The following POLE variants were observed in gnomAD, a reference collection of about 807,000 sequenced individuals.
POLE encodes DNA polymerase epsilon catalytic subunit A.
Under a neutral mutation model 279.2 loss-of-function variants are expected in POLE, and 188 were observed. That is an observed-to-expected ratio of 0.67 (90% CI 0.60 to 0.76). The LOEUF is 0.76. Ranked by LOEUF, POLE falls within the 30% of genes least tolerant of loss-of-function variation. The pLI is 0.00. For missense variants in POLE, 2,703 were observed against 3,016.7 expected (o/e 0.90, Z 2.44); for synonymous variants, 1,214 against 1,172.5 (o/e 1.04, Z -0.72).
intron 29 of POLE, among the ~76,000 whole-genome samples, chr12:132,651,566 C>T (rs1033111613): frequency 2.0e-5 from 3 of 152,264 alleles, no homozygotes; most frequent in African/African-American, 4.8e-5. Context: ...GCAGGCAGCT[C>T]CCAAAATGGC....
chr12:132,686,816 G>GC (rs985866846), intron 1 of POLE, among the ~76,000 whole-genome samples: 17 of 151,932 alleles, frequency 1.1e-4, no homozygotes, highest in African/African-American at 4.1e-4. Flanking sequence ...CCAGCGATCC[G>GC]CCCGCCTCGG....
rs766130096 is a variant in POLE at position 132,639,148 on chromosome 12, G to A, written c.5529C>T (p.Asn1843=). ...ACTGCAGGAAGAGCTTCTTCATCATGTTGTGGAGTGTGCGGTGCAGGGCAG... is the reference window on the plus strand; with the variant it reads ...ACTGCAGGAAGAGCTTCTTCATCATATTGTGGAGTGTGCGGTGCAGGGCAG... ...HDPALHRTLH[N]MMKKLFLQLI... The change falls in exon 40 of 49, where the codon AAC becomes AAT. Residue 1843 remains asparagine, a synonymous_variant. Coordinates refer to ENST00000320574, the MANE Select transcript of POLE (RefSeq NM_006231.4). This position sits in a 1 kb window ranked among gnomAD's most constrained non-coding sequence, Gnocchi z 4.7. 60 of 1,614,050 alleles carry A rather than the reference G, an allele frequency of 3.7e-5. 1 individual carries two copies. In the South Asian group the frequency reaches 6.1e-4, roughly 17 times the overall value.
chr12:132,673,327 G>A (rs1354512219), intron 13 of POLE, 50 bp from the exon 14 acceptor site: 2 of 1,339,808 alleles, frequency 1.5e-6, no homozygotes, highest in African/African-American at 2.9e-5. Context: ...AAGAGCCCAG[G>A]GTCAAGTGTG....
intron 46 of POLE, 160 bp downstream of exon 46, chr12:132,625,957 G>A (rs1219916089): frequency 2.0e-5 from 22 of 1,084,106 alleles, no homozygotes; most frequent in Middle Eastern, 3.0e-4. Context: ...TTCCGAACAT[G>A]GTGTGGGGAG....
Position 132,682,071 on chromosome 12 carries a change from G to A in POLE, c.63-792C>T, listed in dbSNP as rs535700238. Among the ~76,000 whole-genome samples, 20 of 152,176 alleles carry A rather than the reference G, an allele frequency of 1.3e-4. No individual in the cohort carries two copies. The East Asian group carries it at 3.5e-3, about 26-fold the overall frequency. On this transcript the variant is annotated intron_variant, in intron 1 of 48. Coordinates refer to ENST00000320574, the MANE Select transcript of POLE (RefSeq NM_006231.4). ...AGCACCGTGGGAGGCCGAGGCGGGCGGATCACGAGGTGAGGAGATCTAGAC... is the reference window on the plus strand; with the variant it reads ...AGCACCGTGGGAGGCCGAGGCGGGCAGATCACGAGGTGAGGAGATCTAGAC...
rs769766403 is a variant in POLE at position 132,626,325 on chromosome 12, G to A, written c.6331-8C>T. On this transcript the variant is annotated splice_polypyrimidine_tract_variant and splice_region_variant and intron_variant, in intron 45 of 48. Transcript: ENST00000320574. ...GGTGTCCAGGGACAGCACCTGCAGA[G>A]ACCACAGCCCACATCGGGAAGGAGC... The A allele has an allele frequency of 5.6e-5, 90 of 1,613,200 alleles. No individual in the cohort carries two copies. In the Admixed American group the frequency reaches 6.8e-4, roughly 12 times the overall value.
In POLE at chr12:132,675,620, T is replaced by C. The variant is rs918238779; in HGVS notation, c.1107-103A>G. 19 of 1,588,012 alleles carry C rather than the reference T, an allele frequency of 1.2e-5. No individual in the cohort carries two copies. Among genetic ancestry groups the C allele is most frequent in the Middle Eastern group, 1.7e-4 (1 of 5,786 alleles). On this transcript the variant is annotated intron_variant, in intron 11 of 48. Coordinates refer to ENST00000320574, the MANE Select transcript of POLE (RefSeq NM_006231.4). This position sits in a 1 kb window ranked among gnomAD's most constrained non-coding sequence, Gnocchi z 4.3. ...CAGGGAGGAACCCAGACACGGGAGG[T>C]GCAGAGTGAACCCAGGAGCCACCTC...
chr12:132,628,891 C>T (rs558611832), intron 45 of POLE, among the ~76,000 whole-genome samples: 2 of 152,304 alleles, frequency 1.3e-5, no homozygotes, highest in South Asian at 4.1e-4. Context: ...ACTTCTTCCA[C>T]ACTCCTGTTA....
rs1341320095 is a variant in POLE at position 132,664,900 on chromosome 12, C to T, written c.2468+402G>A. 6.6e-6 allele frequency among the ~76,000 whole-genome samples: 1 copy of T among 152,000 alleles called. No individual in the cohort carries two copies. Among genetic ancestry groups the T allele is most frequent in the Non-Finnish European group, 1.5e-5 (1 of 67,976 alleles). On this transcript the variant is annotated intron_variant, in intron 21 of 48. Transcript: ENST00000320574. This position sits in a 1 kb window ranked among gnomAD's most constrained non-coding sequence, Gnocchi z 5.3. ...TGTCAGCTGTCCCACCCTCCCCTCCCGGCACCAGCCCCATGCCCCTTGTCA... is the reference window on the plus strand; with the variant it reads ...TGTCAGCTGTCCCACCCTCCCCTCCTGGCACCAGCCCCATGCCCCTTGTCA...
At chr12:132,684,248 G>A (rs1482489498) in intron 1 of POLE, among the ~76,000 whole-genome samples, 8 of 10,530 alleles carry the variant, frequency 7.6e-4, no homozygotes, top group African/African-American at 5.5e-4. Flanking sequence ...ACTGGTTACT[G>A]TATCACACCG....
chr12:132,647,695 A>G (rs2042317439), intron 32 of POLE, among the ~76,000 whole-genome samples: 1 of 152,138 alleles, frequency 6.6e-6, no homozygotes, highest in Non-Finnish European at 1.5e-5. Flanking sequence ...ATGAGCTGAT[A>G]GTCATAAAGG....
chr12:132,676,856 G>A (rs1034809318), intron 8 of POLE, among the ~76,000 whole-genome samples: 1 of 152,160 alleles, frequency 6.6e-6, no homozygotes. Context: ...ATACCTAAGA[G>A]AGCAGCTGAT....
chr12:132,634,301 C>T lies in POLE; in HGVS notation c.5889G>A (p.Glu1963=), dbSNP rs1555221209. ...CGTTGGATTCCTCCGCCTCTTCCTC[C>T]TCCTCCCCATCTCTTTCCTCCTCAT... The part of the protein sequence containing the change: ...EDDEEERDGE[E]EEEAEESNVE... Residue 1963 remains glutamate (E), a synonymous_variant, in exon 43 of 49, where the codon GAG becomes GAA. Coordinates refer to ENST00000320574, the MANE Select transcript of POLE (RefSeq NM_006231.4). This position sits in a 1 kb window ranked among gnomAD's most constrained non-coding sequence, Gnocchi z 4.0. 1.2e-6 allele frequency: 2 copies of T among 1,614,194 alleles called. No homozygotes were observed. The highest frequency in any genetic ancestry group is 1.7e-6 in the Non-Finnish European group (2 of 1,180,008).
intron 29 of POLE, chr12:132,650,753 T>C (rs2138620321): frequency 6.6e-6 from 1 of 152,276 alleles, no homozygotes; most frequent in Non-Finnish European, 1.5e-5. Context: ...GGTACAGCCC[T>C]CTTCTGTCTG....
rs751756901 is a variant in POLE at position 132,659,387 on chromosome 12, G to A, written c.3183C>T (p.Ala1061=). 3.9e-5 allele frequency: 63 copies of A among 1,614,088 alleles called. No homozygotes were observed. The highest frequency in any genetic ancestry group is 5.0e-5 in the Admixed American group (3 of 60,012). Residue 1061 remains alanine, a synonymous_variant, in exon 26 of 49, where the codon GCC becomes GCT. Coordinates refer to ENST00000320574, the MANE Select transcript of POLE (RefSeq NM_006231.4). ...TGACCATCTGGTCTCCCAGGAACTC[G>A]GCCAGGCGCTTTGCTGTGCTGATGG... ...STSISTAKRL[A]EFLGDQMVKD...
chr12:132,641,255 C>T, intron 39 of POLE: 1 of 371,986 alleles, frequency 2.7e-6, no homozygotes, highest in Non-Finnish European at 5.3e-6. Context: ...TGGCTCCTGA[C>T]CCTCAACCAC....
rs551697046 is a variant in POLE at position 132,643,989 on chromosome 12, A to G, written c.4150-12T>C. ...AGGACCCGATTTACCTGGCGAGAAT[A>G]CGACGATGATCTCGTCACTGGGCGT... On this transcript the variant is annotated splice_polypyrimidine_tract_variant and intron_variant, in intron 32 of 48. Coordinates refer to ENST00000320574, the MANE Select transcript of POLE (RefSeq NM_006231.4). The G allele has an allele frequency of 1.2e-4, 196 of 1,610,694 alleles. 1 individual carries two copies. The South Asian group carries it at 2.0e-3, about 17-fold the overall frequency.
rs777366166 is a variant in POLE at position 132,664,176 on chromosome 12, T to C, written c.2562-28A>G. 6.2e-7 allele frequency: 1 copy of C among 1,612,060 alleles called. No homozygotes were observed. The highest frequency in any genetic ancestry group is 1.1e-5 in the South Asian group (1 of 91,050). ...TCAGAGAAAGAGAGGAGCAAGGTCG[T>C]GAGTTCCCCTTTCCTTTTCACCCAG... is the stretch of plus-strand genomic sequence containing the variant. On this transcript the variant is annotated intron_variant, in intron 22 of 48. Transcript: ENST00000320574. The surrounding 1 kb of genome is among the most constrained non-coding windows in gnomAD (Gnocchi z 5.3).
At chr12:132,625,172 C>T (rs1278903149) in intron 47 of POLE, 178 bp from the exon 48 acceptor site, 6 of 680,038 alleles carry the variant, frequency 8.8e-6, no homozygotes, top group African/African-American at 3.5e-5. Context: ...ACGGTGCCAG[C>T]GCCTTCCCTA....
Sources: allele counts gnomAD v4.1 joint callset (sites outside exome capture counted in the v4.1 genomes callset), GRCh38; gene constraint gnomAD v4.1.1; non-coding constraint Gnocchi (gnomAD v3.1); transcripts MANE v1.5; gene names NCBI Gene and HGNC (gene_info 2026-07-23, HGNC 2026-07-21).